CFAP92: variants seen among roughly 807,000 people sequenced by gnomAD.
CFAP92 encodes the protein cilia and flagella associated protein 92 (putative).
CFAP92 carries 86 observed loss-of-function variants against 106.3 expected under a neutral mutation model. The observed-to-expected ratio is 0.81, with a 90% CI of 0.68 to 0.97. CFAP92 has a LOEUF of 0.97. Ranked by LOEUF, CFAP92 falls within the 50% of genes least tolerant of loss-of-function variation. The pLI, the probability that CFAP92 is intolerant of heterozygous loss-of-function variation, is 0.00. For synonymous variants in CFAP92, 477 were observed against 506.4 expected, an observed-to-expected ratio of 0.94 and a Z score of 0.78; for missense variants, 1,204 against 1,283.8, an observed-to-expected ratio of 0.94 and a Z score of 0.95.
intron 12 of CFAP92, among the ~76,000 whole-genome samples, chr3:128,931,590 T>C (rs533784977): frequency 3.3e-5 from 5 of 149,860 alleles, no homozygotes; most frequent in Admixed American, 2.7e-4. Context: ...CTAGAGAAGA[T>C]AGAAAAAAGG....
Position 128,977,147 on chromosome 3 carries a change from T to TAG in CFAP92, c.809-82_809-81insCT. 4 of 1,062,414 alleles carry TAG rather than the reference T, an allele frequency of 3.8e-6. No individual in the cohort carries two copies. In the East Asian group the frequency reaches 9.7e-5, roughly 26 times the overall value. The allele number at this position is 1,062,414 out of a possible 1,614,324, so 65.8% of individuals were successfully genotyped here. Reference sequence around the variant, plus strand: ...AATGAGGGCCCCTGACCCATTTCTGTAATGTCAGTCTCTATGCAGAAGGCC... The same window carrying TAG: ...AATGAGGGCCCCTGACCCATTTCTGTAGAATGTCAGTCTCTATGCAGAAGGCC... On this transcript the variant is annotated intron_variant, in intron 5 of 15. Coordinates refer to ENST00000645291, the MANE Select transcript of CFAP92 (RefSeq NM_001394090.1).
At chr3:129,011,323 G>C in the CFAP92 span, among the ~76,000 whole-genome samples, 1 of 152,164 alleles carries the variant, frequency 6.6e-6, no homozygotes, top group Admixed American at 6.5e-5. Flanking sequence ...GGCCGAAGTG[G>C]GTGGATCACC....
intron 9 of CFAP92, among the ~76,000 whole-genome samples, chr3:128,960,760 A>C (rs1220901297): frequency 6.6e-6 from 1 of 152,056 alleles, no homozygotes; most frequent in Non-Finnish European, 1.5e-5. Flanking sequence ...CTTCACCCTC[A>C]GCGGCAAGTC....
chr3:128,916,395 CTGGTG>C, intron 12 of CFAP92, 124 bp from the exon 13 acceptor site: 6 of 603,442 alleles, frequency 9.9e-6, no homozygotes, highest in Non-Finnish European at 1.4e-5. Context: ...TTCTTCAATA[CTGGTG>C]CTGTTATTTC....
chr3:128,940,292 C>T (rs144451525), intron 10 of CFAP92, among the ~76,000 whole-genome samples: 28 of 152,206 alleles, frequency 1.8e-4, no homozygotes, highest in African/African-American at 4.6e-4. Context: ...CACTAATTGG[C>T]GATAATCCAC....
In CFAP92 at chr3:128,935,311, C is replaced by T. The variant is rs1280740581; in HGVS notation, c.2267G>A (p.Arg756Lys). ...LWENHQSWIP[R>K]SEHRKYKVLY... ...CACCTTGTATTTCCTGTGTTCTGAC[C>T]TGGGAATCCTGCAAGAGACAGAAGG... is the stretch of plus-strand genomic sequence containing the variant. Residue 756 changes from arginine (R) to lysine (K), a missense_variant, in exon 11 of 16, where the codon AGG becomes AAG. By Grantham distance (26) the Arg-to-Lys change is conservative. Coordinates refer to ENST00000645291, the MANE Select transcript of CFAP92 (RefSeq NM_001394090.1). 1.3e-6 allele frequency: 2 copies of T among 1,506,542 alleles called. No individual in the cohort carries two copies. The highest frequency in any genetic ancestry group is 2.1e-5 in the Admixed American group (1 of 48,042). 93.3% of individuals were successfully genotyped at this position (1,506,542 alleles called of 1,614,324 possible).
At chr3:128,972,049 C>T (rs1234958769) in intron 7 of CFAP92, among the ~76,000 whole-genome samples, 1 of 152,166 alleles carries the variant, frequency 6.6e-6, no homozygotes, top group East Asian at 1.9e-4. Flanking sequence ...CATAGGGGAA[C>T]CTAACAGATG....
intron 12 of CFAP92, among the ~76,000 whole-genome samples, chr3:128,929,587 TA>T (rs901275050): frequency 4.6e-5 from 7 of 152,090 alleles, no homozygotes; most frequent in Admixed American, 4.6e-4. Flanking sequence ...TATTTAGCAA[TA>T]AAAAAAGAAC....
In CFAP92 at chr3:128,965,697, T is replaced by C. The variant is rs1225887928; in HGVS notation, c.1169-2A>G. 2 of 398,734 alleles carry C rather than the reference T, an allele frequency of 5.0e-6. No individual in the cohort carries two copies. Among genetic ancestry groups the C allele is most frequent in the African/African-American group, 2.1e-5 (1 of 48,558 alleles). The allele number at this position is 398,734 out of a possible 1,614,324, so 24.7% of individuals were successfully genotyped here. Reference sequence around the variant, plus strand: ...CACGACTCACGACAGTTTGCCATCCTGGGGGAAATACACCCAGCATTAGAC... The same window carrying C: ...CACGACTCACGACAGTTTGCCATCCCGGGGGAAATACACCCAGCATTAGAC... On this transcript the variant is annotated splice_acceptor_variant, in intron 8 of 15. Transcript: ENST00000645291. LOFTEE classifies it high-confidence loss of function.
intron 10 of CFAP92, among the ~76,000 whole-genome samples, chr3:128,936,950 G>A (rs893120829): frequency 2.0e-5 from 3 of 152,048 alleles, no homozygotes; most frequent in Non-Finnish European, 2.9e-5. Context: ...TCCTTGTCTG[G>A]TTCAAGGTTC....
Position 128,932,738 on chromosome 3 carries a change from G to A in CFAP92, c.2713C>T (p.Leu905Phe). The change falls in exon 12 of 16, where the codon CTT (leucine) becomes TTT (phenylalanine). Residue 905 changes from leucine (L) to phenylalanine (F), a missense_variant. Leu to Phe is a conservative substitution (Grantham distance 22). Coordinates refer to ENST00000645291, the MANE Select transcript of CFAP92 (RefSeq NM_001394090.1). ...EKYLQWRSAM[L>F]MKNKDKKHSF... Reference sequence around the variant, plus strand: ...TGCTTTTTGTCTTTGTTCTTCATAAGCATGGCACTCCGCCACTGCAGGTAC... The same window carrying A: ...TGCTTTTTGTCTTTGTTCTTCATAAACATGGCACTCCGCCACTGCAGGTAC... 1.3e-6 allele frequency: 2 copies of A among 1,535,244 alleles called. No individual in the cohort carries two copies. Among genetic ancestry groups the A allele is most frequent in the African/African-American group, 1.4e-5 (1 of 73,162 alleles).
chr3:129,002,019 C>G (rs1466189366), intron 1 of CFAP92: 2 of 1,545,480 alleles, frequency 1.3e-6, no homozygotes, highest in African/African-American at 1.4e-5. Context: ...AGAGGCGCGC[C>G]TGGCGCTGCG....
At chr3:128,961,402 A>C (rs530433298) in intron 9 of CFAP92, among the ~76,000 whole-genome samples, 30 of 151,420 alleles carry the variant, frequency 2.0e-4, no homozygotes, top group Admixed American at 9.2e-4. Flanking sequence ...TCCCCTCCTC[A>C]CCAGGCCGAG....
chr3:128,961,049 C>T (rs935103897), intron 9 of CFAP92, among the ~76,000 whole-genome samples: 4 of 152,208 alleles, frequency 2.6e-5, no homozygotes, highest in Admixed American at 2.6e-4. Flanking sequence ...GAACTTAAAA[C>T]CTCTTCAACT....
chr3:128,979,756 T>C (rs926793557), intron 4 of CFAP92, among the ~76,000 whole-genome samples: 1 of 151,226 alleles, frequency 6.6e-6, no homozygotes, highest in African/African-American at 2.4e-5. Context: ...GTGAGAACAC[T>C]TGGACCCAAG....
intron 12 of CFAP92, 63 bp downstream of exon 12, chr3:128,932,637 G>T: frequency 6.9e-7 from 1 of 1,452,230 alleles, no homozygotes; most frequent in Non-Finnish European, 9.1e-7. Flanking sequence ...ATGCCTCTCA[G>T]CAGGCGCCTG....
chr3:128,926,512 C>G (rs1937662664), intron 12 of CFAP92, among the ~76,000 whole-genome samples: 2 of 152,306 alleles, frequency 1.3e-5, no homozygotes, highest in South Asian at 4.1e-4. Context: ...TGAATACTTT[C>G]TCCCCAAGAT....
At chr3:128,929,501 A>G (rs1410464772) in intron 12 of CFAP92, among the ~76,000 whole-genome samples, 1 of 152,246 alleles carries the variant, frequency 6.6e-6, no homozygotes, top group Non-Finnish European at 1.5e-5. Flanking sequence ...TATTTATAAT[A>G]GCCCCAAGCA....
At chr3:128,910,999 T>C (rs911635079) in intron 15 of CFAP92, among the ~76,000 whole-genome samples, 1 of 152,234 alleles carries the variant, frequency 6.6e-6, no homozygotes, top group Admixed American at 6.5e-5. Context: ...TGTAGGTGCA[T>C]ACCTGCCCCA....
Sources: gnomAD v4.1 joint callset for allele counts (sites outside exome capture counted in the v4.1 genomes callset) on GRCh38, gnomAD v4.1.1 for gene constraint, MANE v1.5 for transcripts, NCBI Gene and HGNC (gene_info 2026-07-23, HGNC 2026-07-21) for gene names.